DLG2: variants seen among roughly 807,000 people sequenced by gnomAD.
DLG2 encodes discs large MAGUK scaffold protein 2.
Under a neutral mutation model 132.5 loss-of-function variants are expected in DLG2, and 45 were observed. The ratio of observed to expected loss-of-function variants is 0.34; its 90% CI spans 0.27 to 0.44. The LOEUF is 0.44. Among genes scored for constraint, DLG2 ranks in the 20% least tolerant of loss-of-function variants. The pLI is 1.00. For missense variants in DLG2, 1,045 were observed against 1,196.9 expected (o/e 0.87, Z 1.87); for synonymous variants, 424 against 419.6 (o/e 1.01, Z -0.13).
intron 8 of DLG2, among the ~76,000 whole-genome samples, chr11:84,233,463 A>G (rs1174038164): frequency 6.6e-6 from 1 of 152,212 alleles, no homozygotes; most frequent in African/African-American, 2.4e-5. Context: ...CCAATAGAAA[A>G]GGGCTAGCTG....
At chr11:84,259,736 C>T (rs2097528659) in intron 7 of DLG2, among the ~76,000 whole-genome samples, 2 of 152,152 alleles carry the variant, frequency 1.3e-5, no homozygotes. Context: ...ATCAATTTGA[C>T]TCTGCTTGCC....
At chr11:85,181,839 C>A (rs900121073) in intron 4 of DLG2, among the ~76,000 whole-genome samples, 1 of 151,408 alleles carries the variant, frequency 6.6e-6, no homozygotes, top group African/African-American at 2.4e-5. Context: ...ATAAAAGATC[C>A]TAACTGAATG....
At chr11:84,859,822 G>A (rs1448881285) in intron 6 of DLG2, among the ~76,000 whole-genome samples, 1 of 151,874 alleles carries the variant, frequency 6.6e-6, no homozygotes, top group Non-Finnish European at 1.5e-5. Flanking sequence ...TCAAAGAGAA[G>A]TAGAGGCAAG....
intron 11 of DLG2, among the ~76,000 whole-genome samples, chr11:84,018,253 T>C (rs1420340148): frequency 6.6e-6 from 1 of 152,014 alleles, no homozygotes; most frequent in Admixed American, 6.6e-5. Flanking sequence ...CCATTTTTTG[T>C]TCATTTCAGT....
At chr11:84,542,832 T>C (rs1354331733) in intron 6 of DLG2, among the ~76,000 whole-genome samples, 1 of 152,198 alleles carries the variant, frequency 6.6e-6, no homozygotes, top group African/African-American at 2.4e-5. Flanking sequence ...AGTTCCATAA[T>C]TGAGTATTCC....
intron 6 of DLG2, among the ~76,000 whole-genome samples, chr11:84,558,658 G>A (rs946167147): frequency 6.6e-6 from 1 of 151,646 alleles, no homozygotes; most frequent in Non-Finnish European, 1.5e-5. Context: ...AATACCTACC[G>A]CTCCCCAGCT....
intron 22 of DLG2, among the ~76,000 whole-genome samples, chr11:83,482,784 A>C (rs984101896): frequency 3.3e-5 from 5 of 152,178 alleles, no homozygotes; most frequent in African/African-American, 1.2e-4. Context: ...CAGCTCCTTT[A>C]CTAACAGCAA....
chr11:85,130,529 C>T (rs1532312), intron 5 of DLG2, among the ~76,000 whole-genome samples: 49,677 of 151,962 alleles, frequency 0.33, 8,356 homozygotes, highest in South Asian at 0.53. Flanking sequence ...ACAAAGGTAG[C>T]GGTCAGCTGT....
intron 19 of DLG2, among the ~76,000 whole-genome samples, chr11:83,588,341 G>A (rs1451413666): frequency 6.6e-6 from 1 of 151,658 alleles, no homozygotes; most frequent in African/African-American, 2.4e-5. Context: ...CCCCCGAGCA[G>A]CCTAACTGGG....
intron 21 of DLG2, among the ~76,000 whole-genome samples, chr11:83,500,718 A>G (rs1256957151): frequency 6.6e-6 from 1 of 152,094 alleles, no homozygotes; most frequent in Non-Finnish European, 1.5e-5. Flanking sequence ...TTATTTATTG[A>G]ATGCCTGTAT....
chr11:84,992,925 G>T (rs980070167), intron 6 of DLG2, among the ~76,000 whole-genome samples: 4 of 152,154 alleles, frequency 2.6e-5, no homozygotes, highest in African/African-American at 9.6e-5. Context: ...CCATTACTAG[G>T]TATATACCTA....
chr11:84,557,098 T>C (rs1430284918), intron 6 of DLG2, among the ~76,000 whole-genome samples: 6 of 152,180 alleles, frequency 3.9e-5, no homozygotes, highest in Non-Finnish European at 8.8e-5. Flanking sequence ...TAATGGTTAG[T>C]TTTATGTGTC....
At chr11:83,838,557 G>A (rs2154011849) in intron 16 of DLG2, among the ~76,000 whole-genome samples, 1 of 152,264 alleles carries the variant, frequency 6.6e-6, no homozygotes, top group African/African-American at 2.4e-5. Flanking sequence ...GGCTGAATTT[G>A]ACTCATAATA....
At chr11:84,834,414 T>C (rs894711012) in intron 6 of DLG2, among the ~76,000 whole-genome samples, 1 of 151,660 alleles carries the variant, frequency 6.6e-6, no homozygotes, top group Non-Finnish European at 1.5e-5. Flanking sequence ...CTCTTTTCTA[T>C]CCTCTTCCCT....
At chr11:84,708,727 G>T (rs138441124) in intron 6 of DLG2, among the ~76,000 whole-genome samples, 4,637 of 151,762 alleles carry the variant, frequency 0.031, 110 homozygotes, top group Non-Finnish European at 0.05. Flanking sequence ...CTTTCCTCTG[G>T]CTTGAGAGAC....
intron 6 of DLG2, among the ~76,000 whole-genome samples, chr11:84,979,401 C>T (rs1463544497): frequency 6.6e-6 from 1 of 152,156 alleles, no homozygotes; most frequent in African/African-American, 2.4e-5. Flanking sequence ...AGACTTGGAA[C>T]CAACCCAAAT....
Position 84,059,396 on chromosome 11 carries a change from A to T in DLG2, c.838T>A (p.Ser280Thr), listed in dbSNP as rs1371587755. Reference sequence around the variant, plus strand: ...CTACGCACATACAGCCGAACGATAGACCCTGCTTCCTTCAGGGCTTCCACC... The same window carrying T: ...CTACGCACATACAGCCGAACGATAGTCCCTGCTTCCTTCAGGGCTTCCACC... ...KAVEALKEAG[S>T]IVRLYVRRRR... The change falls in exon 11 of 28, where the codon TCT becomes ACT. Residue 280 changes from serine (S) to threonine (T), a missense_variant. Ser to Thr is a moderately conservative substitution (Grantham distance 58, BLOSUM62 1). Transcript: ENST00000376104. 2 of 1,613,322 alleles carry T rather than the reference A, an allele frequency of 1.2e-6. No individual in the cohort carries two copies. Among genetic ancestry groups the T allele is most frequent in the East Asian group, 2.2e-5 (1 of 44,832 alleles).
chr11:83,635,323 T>G (rs1218051312), intron 18 of DLG2, among the ~76,000 whole-genome samples: 3 of 152,224 alleles, frequency 2.0e-5, no homozygotes. Context: ...TCTTGCCACC[T>G]TGGAAGAGTC....
intron 6 of DLG2, among the ~76,000 whole-genome samples, chr11:84,999,541 A>C (rs2058014204): frequency 6.6e-6 from 1 of 152,150 alleles, no homozygotes; most frequent in Non-Finnish European, 1.5e-5. Flanking sequence ...ATTCCTACCA[A>C]ATGATAAGTG....
Sources: gnomAD v4.1 joint callset for allele counts (sites outside exome capture counted in the v4.1 genomes callset) on GRCh38, gnomAD v4.1.1 for gene constraint, MANE v1.5 for transcripts, NCBI Gene and HGNC (gene_info 2026-07-23, HGNC 2026-07-21) for gene names.